FANCI: variants seen among roughly 807,000 people sequenced by gnomAD.
FANCI encodes Fanconi anemia group I protein.
A neutral mutation model predicts 176.1 loss-of-function variants in FANCI; 156 were observed. The ratio of observed to expected loss-of-function variants is 0.89; its 90% CI spans 0.78 to 1.01. The LOEUF (loss-of-function observed/expected upper bound fraction) is 1.01, where lower values mean the gene tolerates loss of function less well. Among genes scored for constraint, FANCI ranks in the 50% least tolerant of loss-of-function variants. The pLI is 0.00. For synonymous variants in FANCI, 613 were observed against 541.7 expected (o/e 1.13, Z -1.83); for missense variants, 1,678 against 1,534.1 (o/e 1.09, Z -1.57).
chr15:89,292,916 G>A (rs2151726573), intron 21 of FANCI, 26 bp from the exon 22 acceptor site: 1 of 1,614,082 alleles, frequency 6.2e-7, no homozygotes, highest in East Asian at 2.2e-5. Flanking sequence ...TTAGTAGCTT[G>A]TTAATTTTTA....
In FANCI at chr15:89,267,150, A is replaced by G. The variant is rs572253720; in HGVS notation, c.756-1249A>G. On this transcript the variant is annotated intron_variant, in intron 9 of 37. Transcript: ENST00000310775. The stretch of plus-strand genomic sequence containing the variant: ...AGCCTGGATGACATGGTAAAAACCT[A>G]TCTCTACAAAAAGTACAAAAATAGC... Among the ~76,000 whole-genome samples, 25 of 152,096 alleles carry G rather than the reference A, an allele frequency of 1.6e-4. No individual in the cohort carries two copies. The South Asian group carries it at 3.3e-3, about 20-fold the overall frequency.
At chr15:89,266,793 T>C (rs1354953786) in intron 9 of FANCI, among the ~76,000 whole-genome samples, 1 of 151,906 alleles carries the variant, frequency 6.6e-6, no homozygotes, top group African/African-American at 2.4e-5. Flanking sequence ...TCTTAGATAC[T>C]AAATTAGAAT....
chr15:89,253,879 A>G (rs1008947503), intron 2 of FANCI, among the ~76,000 whole-genome samples: 5 of 148,102 alleles, frequency 3.4e-5, no homozygotes, highest in Admixed American at 6.7e-5. Flanking sequence ...TAAACATAAG[A>G]AAATATGCTC....
intron 8 of FANCI, 23 bp downstream of exon 8, chr15:89,264,049 C>T (rs2052832270): frequency 6.2e-7 from 1 of 1,613,798 alleles, no homozygotes; most frequent in South Asian, 1.1e-5. Flanking sequence ...AATTGTTTCT[C>T]CTTAGTTCTG....
At position 89,302,012 on chromosome 15, in the gene FANCI, G is replaced by A. The variant is rs79633255; in HGVS notation, c.3006+570G>A. Among the ~76,000 whole-genome samples the A allele has an allele frequency of 4.1e-3, 631 of 152,304 alleles. 5 individuals are homozygous for A. Among genetic ancestry groups the A allele is most frequent in the African/African-American group, 0.013 (540 of 41,568 alleles). On this transcript the variant is annotated intron_variant, in intron 27 of 37. Coordinates refer to ENST00000310775, the MANE Select transcript of FANCI (RefSeq NM_001113378.2). Reference sequence around the variant, plus strand: ...TGTAGAGCTGTGTACCCACATGAGCGTTCACACACAGAAGAATAAGAGAAG... The same window carrying A: ...TGTAGAGCTGTGTACCCACATGAGCATTCACACACAGAAGAATAAGAGAAG...
chr15:89,303,927 G>A lies in FANCI; in HGVS notation c.3058+12G>A, dbSNP rs766893850. The A allele has an allele frequency of 6.2e-7, 1 of 1,613,310 alleles. No individual in the cohort carries two copies. Among genetic ancestry groups the A allele is most frequent in the Non-Finnish European group, 8.5e-7 (1 of 1,179,274 alleles). On this transcript the variant is annotated intron_variant, in intron 28 of 37. Coordinates refer to ENST00000310775, the MANE Select transcript of FANCI (RefSeq NM_001113378.2). ...GGAAAACAGCCGGGGTAAGTTTACT[G>A]CCATGTTTTCCTAAAGGCTTTATAT...
intron 3 of FANCI, among the ~76,000 whole-genome samples, chr15:89,260,363 C>T (rs1284084611): frequency 6.6e-6 from 1 of 152,058 alleles, no homozygotes; most frequent in Non-Finnish European, 1.5e-5. Context: ...AGTCAGCTTG[C>T]TAAATGTTTT....
intron 34 of FANCI, chr15:89,308,203 G>C (rs970389366): frequency 9.8e-7 from 1 of 1,018,210 alleles, no homozygotes; most frequent in Admixed American, 5.1e-5. Context: ...TGTTGCGCTA[G>C]ATAATTCTTT....
chr15:89,304,366 G>A (rs1297182627), intron 28 of FANCI, among the ~76,000 whole-genome samples: 2 of 152,200 alleles, frequency 1.3e-5, no homozygotes, highest in African/African-American at 4.8e-5. Context: ...AACTTGGAGA[G>A]GATCTCACAA....
chr15:89,268,346 C>T (rs2053059620), intron 9 of FANCI, 53 bp from the exon 10 acceptor site: 2 of 1,608,308 alleles, frequency 1.2e-6, no homozygotes, highest in Non-Finnish European at 1.7e-6. Context: ...GCTGGCATTA[C>T]AGGCATGAGC....
intron 28 of FANCI, 106 bp downstream of exon 28, chr15:89,304,021 G>A (rs2054620637): frequency 9.1e-7 from 1 of 1,098,790 alleles, no homozygotes; most frequent in African/African-American, 1.5e-5. Flanking sequence ...ATTCACCAGA[G>A]TGGCCAAAAT....
At chr15:89,284,950 G>A in intron 17 of FANCI, 146 bp from the exon 18 acceptor site, 2 of 842,462 alleles carry the variant, frequency 2.4e-6, no homozygotes, top group South Asian at 2.7e-5. Flanking sequence ...ACTACTGCAT[G>A]GTAATGATTA....
chr15:89,315,501 G>T, intron 37 of FANCI, 112 bp downstream of exon 37: 1 of 754,684 alleles, frequency 1.3e-6, no homozygotes, highest in South Asian at 1.4e-5. Flanking sequence ...AGGGCTAAAA[G>T]GTGATCAGGC....
At chr15:89,275,822 G>A (rs1387246630) in intron 12 of FANCI, among the ~76,000 whole-genome samples, 3 of 152,164 alleles carry the variant, frequency 2.0e-5, no homozygotes, top group South Asian at 2.1e-4. Flanking sequence ...CCTGGAGTGG[G>A]TACTTGCCAC....
chr15:89,312,234 A>G (rs2054992093), intron 34 of FANCI, among the ~76,000 whole-genome samples: 1 of 152,178 alleles, frequency 6.6e-6, no homozygotes, highest in African/African-American at 2.4e-5. Flanking sequence ...ACTGGCTAAA[A>G]TAGAAATAGA....
Position 89,300,388 on chromosome 15 carries a change from G to A in FANCI, c.2889+3G>A. 6.2e-7 allele frequency: 1 copy of A among 1,613,362 alleles called. No individual in the cohort carries two copies. On this transcript the variant is annotated splice_donor_region_variant and intron_variant, in intron 26 of 37. Coordinates refer to ENST00000310775, the MANE Select transcript of FANCI (RefSeq NM_001113378.2). ...CATTCCAGATCCGGCAATTTCAGGT[G>A]AGAAGCCTTGCAAAGCTGCTGTACT...
At chr15:89,249,286 T>C (rs2052129247) in intron 2 of FANCI, among the ~76,000 whole-genome samples, 1 of 152,176 alleles carries the variant, frequency 6.6e-6, no homozygotes, top group Admixed American at 6.5e-5. Flanking sequence ...AAAATTCATA[T>C]TCAAGGATTT....
Position 89,282,008 on chromosome 15 carries a change from A to G in FANCI, c.1583+173A>G, listed in dbSNP as rs1269104358. The G allele has an allele frequency of 4.8e-6, 3 of 630,958 alleles. No homozygotes were observed. The African/African-American group carries it at 5.5e-5, about 12-fold the overall frequency. 39.1% of individuals were successfully genotyped at this position (630,958 alleles called of 1,614,324 possible). A position where few individuals can be genotyped will look rare whatever the true frequency, so the allele number is the denominator to read the frequency against. ...GCTAAGTGCTTTATGTGCTTTTTTCATTTAGTCTTCAGAGCAACCCTATGA... is the reference window on the plus strand; with the variant it reads ...GCTAAGTGCTTTATGTGCTTTTTTCGTTTAGTCTTCAGAGCAACCCTATGA... On this transcript the variant is annotated intron_variant, in intron 16 of 37. Coordinates refer to ENST00000310775, the MANE Select transcript of FANCI (RefSeq NM_001113378.2).
chr15:89,306,937 C>T (rs1489979202), intron 32 of FANCI, among the ~76,000 whole-genome samples: 1 of 152,112 alleles, frequency 6.6e-6, no homozygotes, highest in African/African-American at 2.4e-5. Flanking sequence ...GTGTTAAATG[C>T]CTTATAGATC....
Sources: allele counts gnomAD v4.1 joint callset (sites outside exome capture counted in the v4.1 genomes callset), GRCh38; gene constraint gnomAD v4.1.1; transcripts MANE v1.5; gene names NCBI Gene and HGNC (gene_info 2026-07-23, HGNC 2026-07-21).